The following FOXP2 variants were observed in gnomAD, a reference collection of about 807,000 sequenced individuals.
The protein encoded by FOXP2 is forkhead box P2.
In FOXP2, 12 loss-of-function variants were observed where a neutral mutation model predicts 115.8. The observed-to-expected ratio is 0.10, with a 90% CI of 0.07 to 0.17. The LOEUF is 0.17. Among genes scored for constraint, FOXP2 ranks in the 10% least tolerant of loss-of-function variants. The pLI is 1.00. For missense variants in FOXP2, 629 were observed against 843.5 expected (o/e 0.75, Z 3.15); for synonymous variants, 328 against 297.7 (o/e 1.10, Z -1.05).
intron 1 of FOXP2, among the ~76,000 whole-genome samples, chr7:114,166,582 G>A (rs1301552838): frequency 1.3e-5 from 2 of 152,170 alleles, no homozygotes; most frequent in African/African-American, 4.8e-5. Flanking sequence ...GCATGTGCCT[G>A]TAGCCCCAGC....
intron 12 of FOXP2, 33 bp downstream of exon 12, chr7:114,659,465 A>T: frequency 6.3e-7 from 1 of 1,598,532 alleles, no homozygotes; most frequent in Non-Finnish European, 8.6e-7. Flanking sequence ...TTGCCTGATT[A>T]AATTAAAATT....
At chr7:114,134,712 CAAAAA>C (rs35653755) in intron 1 of FOXP2, among the ~76,000 whole-genome samples, 3 of 112,322 alleles carry the variant, frequency 2.7e-5, no homozygotes, top group Admixed American at 8.7e-5. Context: ...GACTCCGTCT[CAAAAA>C]AAAAAAAAAA....
At chr7:114,636,140 G>A (rs1805204090) in intron 6 of FOXP2, among the ~76,000 whole-genome samples, 1 of 152,128 alleles carries the variant, frequency 6.6e-6, no homozygotes, top group Admixed American at 6.5e-5. Context: ...TGTTGAGTTA[G>A]TCAAATTATA....
At chr7:114,477,642 G>A (rs965923945) in intron 2 of FOXP2, among the ~76,000 whole-genome samples, 1 of 151,726 alleles carries the variant, frequency 6.6e-6, no homozygotes, top group African/African-American at 2.4e-5. Flanking sequence ...TGTATCTAAT[G>A]TAAACATTGA....
chr7:114,173,676 G>T (rs896876734), intron 1 of FOXP2, among the ~76,000 whole-genome samples: 2 of 151,694 alleles, frequency 1.3e-5, no homozygotes, highest in Non-Finnish European at 2.9e-5. Flanking sequence ...CTTGGCCAAA[G>T]CCCAGATTAC....
intron 2 of FOXP2, among the ~76,000 whole-genome samples, chr7:114,302,061 A>T (rs777035180): frequency 3.9e-4 from 59 of 152,336 alleles, no homozygotes; most frequent in Non-Finnish European, 7.6e-4. Flanking sequence ...AGTAGAAGTC[A>T]ACCCATAATT....
At chr7:114,156,056 A>G (rs1792659033) in intron 1 of FOXP2, among the ~76,000 whole-genome samples, 1 of 152,062 alleles carries the variant, frequency 6.6e-6, no homozygotes, top group African/African-American at 2.4e-5. Flanking sequence ...CAGTCTGAGT[A>G]TTACTAGAAA....
intron 3 of FOXP2, among the ~76,000 whole-genome samples, chr7:114,603,035 G>A (rs555149996): frequency 1.5e-4 from 23 of 152,236 alleles, no homozygotes; most frequent in African/African-American, 4.1e-4. Flanking sequence ...TCACTGTGGC[G>A]TTAATTAGTG....
intron 3 of FOXP2, among the ~76,000 whole-genome samples, chr7:114,537,954 C>T (rs1799477257): frequency 6.6e-6 from 1 of 151,616 alleles, no homozygotes; most frequent in African/African-American, 2.4e-5. Context: ...TACCAGAAAA[C>T]ATATCCTAAT....
intron 6 of FOXP2, among the ~76,000 whole-genome samples, chr7:114,640,319 A>G (rs75506626): frequency 0.11 from 17,460 of 152,140 alleles, 1,100 homozygotes; most frequent in Middle Eastern, 0.18. Flanking sequence ...TTTTATGGAA[A>G]AAAAATGGGT....
intron 2 of FOXP2, among the ~76,000 whole-genome samples, chr7:114,351,372 C>A (rs1184107127): frequency 6.6e-6 from 1 of 151,956 alleles, no homozygotes; most frequent in East Asian, 1.9e-4. Flanking sequence ...ATGTAAATAC[C>A]TGACAGTAAT....
chr7:114,479,661 T>TAAA (rs1366000459), intron 2 of FOXP2, among the ~76,000 whole-genome samples: 1 of 151,610 alleles, frequency 6.6e-6, no homozygotes, highest in Non-Finnish European at 1.5e-5. Context: ...GTGTGTGTTT[T>TAAA]AAAAATTTAA....
At chr7:114,193,786 T>C (rs911569295) in intron 1 of FOXP2, among the ~76,000 whole-genome samples, 5 of 152,162 alleles carry the variant, frequency 3.3e-5, no homozygotes, top group Non-Finnish European at 5.9e-5. Flanking sequence ...GTCGGTATGG[T>C]ACATCTTTTA....
At chr7:114,477,977 A>G (rs912052226) in intron 2 of FOXP2, among the ~76,000 whole-genome samples, 3 of 151,834 alleles carry the variant, frequency 2.0e-5, no homozygotes, top group Non-Finnish European at 4.4e-5. Flanking sequence ...TCTGGGCCTC[A>G]TGATGAAGGG....
chr7:114,560,554 T>G (rs573515898), intron 3 of FOXP2, among the ~76,000 whole-genome samples: 1 of 152,172 alleles, frequency 6.6e-6, no homozygotes, highest in Non-Finnish European at 1.5e-5. Flanking sequence ...AGGCAGCAGT[T>G]GCAGTGAGTT....
intron 2 of FOXP2, among the ~76,000 whole-genome samples, chr7:114,440,366 CT>C (rs1405301762): frequency 6.6e-6 from 1 of 152,132 alleles, no homozygotes; most frequent in Non-Finnish European, 1.5e-5. Context: ...ATATATCCCC[CT>C]TTTTGGGCTA....
chr7:114,236,185 A>T (rs1460999398), intron 1 of FOXP2, among the ~76,000 whole-genome samples: 2 of 152,242 alleles, frequency 1.3e-5, no homozygotes, highest in Admixed American at 1.3e-4. Context: ...AAAAGCTTTC[A>T]ATGGATTGGC....
chr7:114,235,589 A>G (rs1008670317), intron 1 of FOXP2, among the ~76,000 whole-genome samples: 2 of 152,194 alleles, frequency 1.3e-5, no homozygotes, highest in Admixed American at 6.5e-5. Context: ...TTTCTATTTT[A>G]TACAACATCT....
intron 1 of FOXP2, among the ~76,000 whole-genome samples, chr7:114,282,565 G>A (rs1346743550): frequency 2.6e-5 from 4 of 152,016 alleles, no homozygotes; most frequent in African/African-American, 9.7e-5. Flanking sequence ...TGCCTGTCTA[G>A]TTTTATGTTT....
Sources: allele counts gnomAD v4.1 joint callset (sites outside exome capture counted in the v4.1 genomes callset), GRCh38; gene constraint gnomAD v4.1.1; transcripts MANE v1.5; gene names NCBI Gene and HGNC (gene_info 2026-07-23, HGNC 2026-07-21).